TMEM242: variants seen among roughly 807,000 people sequenced by gnomAD.
TMEM242 encodes the protein UPF0463 transmembrane protein C6orf35.
In TMEM242, 10 loss-of-function variants were observed where a neutral mutation model predicts 18.2. The ratio of observed to expected loss-of-function variants is 0.55; its 90% CI spans 0.34 to 0.93. The LOEUF (loss-of-function observed/expected upper bound fraction) is 0.93, where lower values mean the gene tolerates loss of function less well. TMEM242 is among the 40% of genes least tolerant of loss of function. The probability of loss-of-function intolerance (pLI) is 0.02; values close to 1 mark genes in which losing one functional copy is unlikely to be tolerated. For missense variants in TMEM242, 186 were observed against 175.5 expected, an observed-to-expected ratio of 1.06 and a Z score of -0.34; for synonymous variants, 57 against 69.9, an observed-to-expected ratio of 0.81 and a Z score of 0.92.
chr6:157,318,916 T>C lies in TMEM242; in HGVS notation c.193A>G (p.Ser65Gly), dbSNP rs75220664. The C allele has an allele frequency of 6.2e-3, 9,945 of 1,596,582 alleles. 564 individuals carry two copies. In the African/African-American group the frequency reaches 0.12, roughly 19 times the overall value. ...TCCGGTAATGCAGCCGTGGCCATAC[T>C]TCCCTGAAATGAAACAGAAAAGTTG... Reference protein sequence around the residue: ...KKSPEWFNKGSMATAALPESG... With the variant: ...KKSPEWFNKGGMATAALPESG... The change falls in exon 3 of 4, where the codon AGT (serine) becomes GGT (glycine). Residue 65 changes from serine (S) to glycine (G), a missense_variant. Physicochemically the swap from Ser to Gly is moderately conservative, Grantham distance 56. Coordinates refer to ENST00000400788, the MANE Select transcript of TMEM242 (RefSeq NM_018452.6).
intron 3 of TMEM242, among the ~76,000 whole-genome samples, chr6:157,315,756 A>G (rs1371803262): frequency 6.6e-6 from 1 of 152,180 alleles, no homozygotes; most frequent in Non-Finnish European, 1.5e-5. Context: ...AAAAACAAAG[A>G]AGTTCACATT....
intron 3 of TMEM242, among the ~76,000 whole-genome samples, chr6:157,308,554 CTG>C: frequency 6.6e-6 from 1 of 152,242 alleles, no homozygotes; most frequent in Admixed American, 6.5e-5. Flanking sequence ...TAAAATATAT[CTG>C]TTTTATTTAC....
Position 157,305,284 on chromosome 6 carries a change from A to G in TMEM242, c.328-12285T>C, listed in dbSNP as rs1777895029. Among the ~76,000 whole-genome samples, 1 of 152,122 alleles carries G rather than the reference A, an allele frequency of 6.6e-6. No individual in the cohort carries two copies. The highest frequency in any genetic ancestry group is 1.5e-5 in the Non-Finnish European group (1 of 68,020). On this transcript the variant is annotated intron_variant, in intron 3 of 3. Coordinates refer to ENST00000400788, the MANE Select transcript of TMEM242 (RefSeq NM_018452.6). This position sits in a 1 kb window ranked among gnomAD's most constrained non-coding sequence, Gnocchi z 4.1. Reference sequence around the variant, plus strand: ...GACTTGCATGCATCAGATGAAGGGAACCAAGGGAAATGAGAGAATCTAAGA... The same window carrying G: ...GACTTGCATGCATCAGATGAAGGGAGCCAAGGGAAATGAGAGAATCTAAGA...
In TMEM242 at chr6:157,292,142, T is replaced by G. The variant is rs761264845; in HGVS notation, c.*759A>C. 1 of 152,188 alleles carries G rather than the reference T, an allele frequency of 6.6e-6. No individual in the cohort carries two copies. 9.4% of individuals were successfully genotyped at this position (152,188 alleles called of 1,614,324 possible). A position where few individuals can be genotyped will look rare whatever the true frequency, so the allele number is the denominator to read the frequency against. ...CGGATGACAACTGGGCTTTTTTTAC[T>G]TTGACAACTGAGACAAAATGACAAA... On this transcript the variant is annotated 3_prime_UTR_variant, in exon 4 of 4. Coordinates refer to ENST00000400788, the MANE Select transcript of TMEM242 (RefSeq NM_018452.6).
intron 3 of TMEM242, among the ~76,000 whole-genome samples, chr6:157,294,192 ACGGTCCTCCTACGAAG>A (rs1554247046): frequency 6.6e-6 from 1 of 152,108 alleles, no homozygotes; most frequent in African/African-American, 2.4e-5. Flanking sequence ...GTTAATCTAT[ACGGTCCTCCTACGAAG>A]ACATTTCAGC....
chr6:157,322,464 A>C (rs1162176463), intron 2 of TMEM242, among the ~76,000 whole-genome samples: 1 of 152,210 alleles, frequency 6.6e-6, no homozygotes, highest in Admixed American at 6.5e-5. Flanking sequence ...TGTGAATAGG[A>C]AATGTACCAG....
intron 3 of TMEM242, among the ~76,000 whole-genome samples, chr6:157,293,525 A>G (rs1777711618): frequency 1.3e-5 from 2 of 152,190 alleles, no homozygotes; most frequent in Non-Finnish European, 1.5e-5. Flanking sequence ...CTGAATAAAT[A>G]AATATAATTA....
intron 3 of TMEM242, among the ~76,000 whole-genome samples, chr6:157,297,048 G>A (rs1777759996): frequency 6.6e-6 from 1 of 152,198 alleles, no homozygotes; most frequent in South Asian, 2.1e-4. Context: ...TAGCCAGTAG[G>A]CCAGGAGTGA....
At chr6:157,308,135 A>C (rs781790164) in intron 3 of TMEM242, among the ~76,000 whole-genome samples, 1 of 152,330 alleles carries the variant, frequency 6.6e-6, no homozygotes, top group East Asian at 1.9e-4. Flanking sequence ...GAGATCATCA[A>C]AGTTAAACAT....
intron 3 of TMEM242, among the ~76,000 whole-genome samples, chr6:157,314,775 A>G (rs1429467716): frequency 6.6e-6 from 1 of 152,286 alleles, no homozygotes; most frequent in Non-Finnish European, 1.5e-5. Context: ...CAGAATAATT[A>G]TGAATAAACA....
intron 2 of TMEM242, among the ~76,000 whole-genome samples, chr6:157,320,846 T>C (rs184098478): frequency 6.6e-6 from 1 of 152,344 alleles, no homozygotes; most frequent in East Asian, 1.9e-4. Context: ...ATTTTATTCA[T>C]TGTTAAGATG....
chr6:157,321,012 CTTTTTTTTTTTTTT>C (rs1778488471), intron 2 of TMEM242, among the ~76,000 whole-genome samples: 1 of 102,078 alleles, frequency 9.8e-6, no homozygotes, highest in Non-Finnish European at 2.1e-5. Flanking sequence ...TTTTTTTTTT[CTTTTTTTTTTTTTT>C]GAGACGGAGT....
intron 3 of TMEM242, among the ~76,000 whole-genome samples, chr6:157,310,991 AACC>A: frequency 3.4e-5 from 1 of 29,754 alleles, no homozygotes; most frequent in Middle Eastern, 0.017. Context: ...AGTATGCGCT[AACC>A]TAGCCTCCCC....
chr6:157,313,053 TGGCCTC>T (rs1778238193), intron 3 of TMEM242, among the ~76,000 whole-genome samples: 2 of 26,734 alleles, frequency 7.5e-5, no homozygotes, highest in Non-Finnish European at 1.9e-4. Flanking sequence ...TGCACTCACC[TGGCCTC>T]ATCATAGGGT....
intron 2 of TMEM242, among the ~76,000 whole-genome samples, chr6:157,321,290 G>A (rs1462989597): frequency 6.6e-6 from 1 of 152,110 alleles, no homozygotes; most frequent in African/African-American, 2.4e-5. Context: ...TTACAAGCGT[G>A]AGCCACCTCG....
chr6:157,312,378 CCCTCATCATA>C, intron 3 of TMEM242, among the ~76,000 whole-genome samples: 1 of 18,942 alleles, frequency 5.3e-5, no homozygotes, highest in East Asian at 1.4e-3. Context: ...CACTCACCTG[CCCTCATCATA>C]GTACCGCAGT....
intron 3 of TMEM242, among the ~76,000 whole-genome samples, chr6:157,301,136 G>A (rs1333710464): frequency 6.6e-6 from 1 of 152,068 alleles, no homozygotes; most frequent in African/African-American, 2.4e-5. Context: ...CTTATAAACA[G>A]CATTCTGCCC....
intron 3 of TMEM242, among the ~76,000 whole-genome samples, chr6:157,307,611 T>C (rs756107448): frequency 9.2e-5 from 14 of 152,314 alleles, no homozygotes; most frequent in Middle Eastern, 6.8e-3. Flanking sequence ...TCCACTACGA[T>C]GTTAAACCTA....
intron 3 of TMEM242, among the ~76,000 whole-genome samples, chr6:157,311,042 G>A (rs1178961791): frequency 5.3e-5 from 7 of 131,058 alleles, no homozygotes; most frequent in African/African-American, 6.0e-5. Context: ...GTGTCCCAGT[G>A]TGCGCTCACC....
Sources: gnomAD v4.1 joint callset for allele counts (sites outside exome capture counted in the v4.1 genomes callset) on GRCh38, gnomAD v4.1.1 for gene constraint, Gnocchi (gnomAD v3.1) non-coding constraint, MANE v1.5 for transcripts, NCBI Gene and HGNC (gene_info 2026-07-23, HGNC 2026-07-21) for gene names.